The following MBNL1 variants were observed in gnomAD, a reference collection of about 807,000 sequenced individuals.
MBNL1 encodes muscleblind-like protein 1.
A neutral mutation model predicts 42.2 loss-of-function variants in MBNL1; 8 were observed. The ratio of observed to expected loss-of-function variants is 0.19; its 90% CI spans 0.11 to 0.34. The LOEUF is 0.34. MBNL1 is among the 10% of genes least tolerant of loss of function. MBNL1 has a pLI of 1.00. For synonymous variants in MBNL1, 169 were observed against 173.9 expected, an observed-to-expected ratio of 0.97 and a Z score of 0.22; for missense variants, 309 against 495.3, an observed-to-expected ratio of 0.62 and a Z score of 3.57.
chr3:152,350,935 T>C (rs1034913124), intron 2 of MBNL1, among the ~76,000 whole-genome samples: 14 of 152,152 alleles, frequency 9.2e-5, no homozygotes, highest in African/African-American at 3.1e-4. Flanking sequence ...AAGTCAGTGC[T>C]CTTAGGGGAA....
At chr3:152,305,583 C>A (rs2062689857) in intron 2 of MBNL1, among the ~76,000 whole-genome samples, 1 of 151,572 alleles carries the variant, frequency 6.6e-6, no homozygotes, top group Non-Finnish European at 1.5e-5. Context: ...AAAATCATGA[C>A]TGCCAGTAGA....
chr3:152,434,419 G>A (rs774106713), intron 4 of MBNL1, among the ~76,000 whole-genome samples: 2 of 152,182 alleles, frequency 1.3e-5, no homozygotes, highest in Non-Finnish European at 2.9e-5. Flanking sequence ...ATTCCATGGT[G>A]TATATGTACC....
intron 1 of MBNL1, among the ~76,000 whole-genome samples, chr3:152,273,573 T>C (rs1035517177): frequency 6.6e-6 from 1 of 152,244 alleles, no homozygotes; most frequent in Non-Finnish European, 1.5e-5. Context: ...TGGTTCTTTT[T>C]CTACTGTTTT....
At chr3:152,379,081 G>A (rs769013027) in intron 2 of MBNL1, among the ~76,000 whole-genome samples, 18 of 152,136 alleles carry the variant, frequency 1.2e-4, no homozygotes, top group Non-Finnish European at 2.4e-4. Context: ...ATTTGTAAAA[G>A]GGTCATCCTG....
intron 2 of MBNL1, among the ~76,000 whole-genome samples, chr3:152,377,425 C>T (rs1394474843): frequency 2.6e-5 from 4 of 152,134 alleles, no homozygotes; most frequent in Admixed American, 2.0e-4. Context: ...CACCTCCACT[C>T]GTCAGCCATA....
intron 2 of MBNL1, among the ~76,000 whole-genome samples, chr3:152,349,885 A>T (rs937538198): frequency 6.6e-6 from 1 of 152,082 alleles, no homozygotes; most frequent in African/African-American, 2.4e-5. Flanking sequence ...GGCCTGGAGC[A>T]TTGCCCTTTG....
At chr3:152,386,028 C>A (rs2097402089) in intron 2 of MBNL1, among the ~76,000 whole-genome samples, 1 of 151,938 alleles carries the variant, frequency 6.6e-6, no homozygotes. Flanking sequence ...TCAAAGGATC[C>A]TTTGTAATGA....
chr3:152,383,132 C>T (rs772061754), intron 2 of MBNL1, among the ~76,000 whole-genome samples: 1 of 152,030 alleles, frequency 6.6e-6, no homozygotes, highest in Non-Finnish European at 1.5e-5. Flanking sequence ...AAAACTTATC[C>T]GAATACTTAC....
intron 8 of MBNL1, 58 bp from the exon 9 acceptor site, chr3:152,459,213 C>A: frequency 1.1e-6 from 1 of 890,346 alleles, no homozygotes; most frequent in Non-Finnish European, 1.7e-6. Context: ...ATGTTTTCAT[C>A]TCTTAATTGT....
In MBNL1 at chr3:152,464,459, A is replaced by G. The variant is rs1172902102; in HGVS notation, c.*2093A>G. The stretch of plus-strand genomic sequence containing the variant: ...ATAATCATTGCTAAGTAAGAAGTTA[A>G]GTTGTTGCTATCGCAACAATCCTGG... On this transcript the variant is annotated 3_prime_UTR_variant, in exon 10 of 10. Transcript: ENST00000324210. 1 of 152,574 alleles carries G rather than the reference A, an allele frequency of 6.6e-6. No homozygotes were observed. Among genetic ancestry groups the G allele is most frequent in the Non-Finnish European group, 1.5e-5 (1 of 67,978 alleles). 9.5% of individuals were successfully genotyped at this position (152,574 alleles called of 1,614,324 possible).
intron 3 of MBNL1, among the ~76,000 whole-genome samples, chr3:152,417,263 C>CT (rs1399371012): frequency 1.2e-4 from 18 of 152,100 alleles, no homozygotes; most frequent in African/African-American, 4.3e-4. Flanking sequence ...TCATAATCAG[C>CT]TGCTTACTGG....
At chr3:152,303,725 C>T (rs1226482061) in intron 2 of MBNL1, among the ~76,000 whole-genome samples, 1 of 151,700 alleles carries the variant, frequency 6.6e-6, no homozygotes, top group African/African-American at 2.4e-5. Flanking sequence ...GTTATTTATA[C>T]CCTCAAAAAA....
chr3:152,434,657 C>A (rs2099054439), intron 4 of MBNL1, among the ~76,000 whole-genome samples: 2 of 152,208 alleles, frequency 1.3e-5, no homozygotes, highest in African/African-American at 4.8e-5. Flanking sequence ...TTAATTTGCA[C>A]TCCTACCAGC....
intron 1 of MBNL1, among the ~76,000 whole-genome samples, chr3:152,283,554 A>G (rs1429541233): frequency 6.6e-6 from 1 of 152,172 alleles, no homozygotes; most frequent in Admixed American, 6.5e-5. Context: ...GATCCCATAC[A>G]CTGTCTTATT....
chr3:152,426,750 A>C (rs539154211), intron 3 of MBNL1, among the ~76,000 whole-genome samples: 9 of 152,346 alleles, frequency 5.9e-5, no homozygotes, highest in Non-Finnish European at 1.2e-4. Context: ...CAAATTAGCT[A>C]TCTCAGGGTC....
chr3:152,283,997 T>C (rs1426337856), intron 1 of MBNL1, among the ~76,000 whole-genome samples: 1 of 152,208 alleles, frequency 6.6e-6, no homozygotes, highest in Non-Finnish European at 1.5e-5. Flanking sequence ...TATATAGTTA[T>C]TTGTGTGTTA....
intron 6 of MBNL1, among the ~76,000 whole-genome samples, chr3:152,454,518 T>C (rs1047031916): frequency 2.0e-5 from 3 of 152,226 alleles, no homozygotes; most frequent in Non-Finnish European, 1.5e-5. Context: ...GTTCTGCATA[T>C]GGGAAAGTGC....
chr3:152,297,876 G>C (rs1407870037), intron 1 of MBNL1, among the ~76,000 whole-genome samples: 2 of 151,960 alleles, frequency 1.3e-5, no homozygotes, highest in Non-Finnish European at 2.9e-5. Flanking sequence ...GGCTGGTCTT[G>C]AACTCCTGAC....
At chr3:152,269,468 G>C (rs1215904615) in intron 1 of MBNL1, 2 of 453,336 alleles carry the variant, frequency 4.4e-6, no homozygotes, top group Non-Finnish European at 8.9e-6. Flanking sequence ...GAGTCCCTCT[G>C]AGTCGAGCGG....
Sources: gnomAD v4.1 joint callset for allele counts (sites outside exome capture counted in the v4.1 genomes callset) on GRCh38, gnomAD v4.1.1 for gene constraint, MANE v1.5 for transcripts, NCBI Gene and HGNC (gene_info 2026-07-23, HGNC 2026-07-21) for gene names.